The following RSRC1 variants were observed in gnomAD, a reference collection of about 807,000 sequenced individuals.
RSRC1 encodes the protein arginine and serine rich coiled-coil 1.
Under a neutral mutation model 49.1 loss-of-function variants are expected in RSRC1, and 39 were observed. That is an observed-to-expected ratio of 0.79 (90% CI 0.61 to 1.04). RSRC1 has a LOEUF of 1.04. RSRC1 is among the 50% of genes least tolerant of loss of function. The pLI, the probability that RSRC1 is intolerant of heterozygous loss-of-function variation, is 0.00. For synonymous variants in RSRC1, 143 were observed against 130.8 expected, an observed-to-expected ratio of 1.09 and a Z score of -0.63; for missense variants, 388 against 402.4, an observed-to-expected ratio of 0.96 and a Z score of 0.31.
intron 4 of RSRC1, chr3:158,276,396 T>A: frequency 1.3e-6 from 1 of 774,658 alleles, no homozygotes; most frequent in South Asian, 1.4e-5. Context: ...TCTCCATAGC[T>A]CCTGGATGTG....
chr3:158,215,592 T>C (rs1030223596), intron 4 of RSRC1, among the ~76,000 whole-genome samples: 3 of 151,826 alleles, frequency 2.0e-5, no homozygotes, highest in African/African-American at 7.2e-5. Context: ...TTATGGGTTG[T>C]TTGGACATTT....
chr3:158,253,149 T>G (rs1383654632), intron 4 of RSRC1, among the ~76,000 whole-genome samples: 3 of 152,080 alleles, frequency 2.0e-5, no homozygotes, highest in Non-Finnish European at 4.4e-5. Context: ...TCTTTTGCTT[T>G]ATGATGTATC....
At chr3:158,118,462 T>TGTGTGTGTGTGTGTGTGCGCGCGCGC (rs1491469875) in intron 1 of RSRC1, among the ~76,000 whole-genome samples, 4 of 124,682 alleles carry the variant, frequency 3.2e-5, no homozygotes, top group Non-Finnish European at 4.9e-5. Context: ...TGTGTGTGTG[T>TGTGTGTGTGTGTGTGTGCGCGCGCGC]GCGCGTGCGC....
chr3:158,336,478 AT>A, intron 5 of RSRC1: 1 of 161,164 alleles, frequency 6.2e-6, no homozygotes, highest in Non-Finnish European at 1.4e-5. Context: ...CATTGGGGTC[AT>A]TGCTGATGAC....
intron 5 of RSRC1, among the ~76,000 whole-genome samples, chr3:158,353,995 CTTTTT>C (rs1230649090): frequency 1.0e-5 from 1 of 96,302 alleles, no homozygotes. Flanking sequence ...GTTTCTTTTT[CTTTTT>C]TTTTTTTTTT....
intron 7 of RSRC1, among the ~76,000 whole-genome samples, chr3:158,515,420 A>T (rs1740459859): frequency 7.8e-6 from 1 of 128,494 alleles, no homozygotes; most frequent in Non-Finnish European, 1.6e-5. Flanking sequence ...AATGTTGAAT[A>T]TTGGCCCCGA....
chr3:158,428,690 G>A (rs2108352436), intron 6 of RSRC1, among the ~76,000 whole-genome samples: 1 of 151,994 alleles, frequency 6.6e-6, no homozygotes, highest in East Asian at 1.9e-4. Flanking sequence ...CTGCCTCCCT[G>A]TGTGGCAAAG....
chr3:158,196,231 G>C (rs1720605135), intron 3 of RSRC1, among the ~76,000 whole-genome samples: 1 of 151,742 alleles, frequency 6.6e-6, no homozygotes, highest in Non-Finnish European at 1.5e-5. Flanking sequence ...TTGTAAGTTG[G>C]ATTCCTAGGT....
At chr3:158,421,150 A>G (rs927844382) in intron 6 of RSRC1, among the ~76,000 whole-genome samples, 5 of 152,030 alleles carry the variant, frequency 3.3e-5, no homozygotes, top group Middle Eastern at 3.4e-3. Flanking sequence ...TAGTCATATT[A>G]GAACCTTGGT....
intron 4 of RSRC1, among the ~76,000 whole-genome samples, chr3:158,284,035 TCC>T (rs1273511223): frequency 7.6e-6 from 1 of 130,884 alleles, no homozygotes; most frequent in African/African-American, 2.8e-5. Context: ...ATGCTATCCC[TCC>T]CCCCTTCCCC....
At chr3:158,293,836 G>A (rs1727081563) in intron 4 of RSRC1, among the ~76,000 whole-genome samples, 1 of 151,992 alleles carries the variant, frequency 6.6e-6, no homozygotes, top group Non-Finnish European at 1.5e-5. Flanking sequence ...ACTTTATCTT[G>A]AGAGTTGTTA....
intron 6 of RSRC1, among the ~76,000 whole-genome samples, chr3:158,392,461 G>A (rs528865787): frequency 3.1e-4 from 47 of 151,944 alleles, no homozygotes; most frequent in Non-Finnish European, 5.9e-4. Flanking sequence ...AGAAAGATAC[G>A]ATACTTCATT....
chr3:158,196,296 C>CT (rs1423874647), intron 3 of RSRC1, among the ~76,000 whole-genome samples: 2 of 152,008 alleles, frequency 1.3e-5, no homozygotes, highest in East Asian at 1.9e-4. Context: ...ATTTGGCTCT[C>CT]TGTTTGTCTG....
At chr3:158,275,398 T>C (rs1232971861) in intron 4 of RSRC1, among the ~76,000 whole-genome samples, 2 of 152,178 alleles carry the variant, frequency 1.3e-5, no homozygotes, top group Non-Finnish European at 2.9e-5. Context: ...ATTTAAAAAG[T>C]CTGTACCTGC....
intron 4 of RSRC1, among the ~76,000 whole-genome samples, chr3:158,288,576 C>A (rs1171562208): frequency 6.6e-6 from 1 of 152,144 alleles, no homozygotes. Flanking sequence ...TGGACAGTTA[C>A]TATTTTATAT....
At chr3:158,254,664 T>C (rs1193537) in intron 4 of RSRC1, among the ~76,000 whole-genome samples, 72,339 of 151,846 alleles carry the variant, frequency 0.48, 17,794 homozygotes, top group East Asian at 0.64. Context: ...GATCTTCTGA[T>C]CTCATGATCC....
At chr3:158,331,428 T>A (rs978814935) in intron 5 of RSRC1, among the ~76,000 whole-genome samples, 36 of 152,324 alleles carry the variant, frequency 2.4e-4, no homozygotes, top group African/African-American at 7.5e-4. Flanking sequence ...TTGGTTAAAT[T>A]TGTTTCTAAT....
At chr3:158,389,430 A>G (rs570337156) in intron 6 of RSRC1, among the ~76,000 whole-genome samples, 1 of 152,344 alleles carries the variant, frequency 6.6e-6, no homozygotes, top group African/African-American at 2.4e-5. Flanking sequence ...GATATTGTCA[A>G]CTTTTTCTAT....
At chr3:158,171,878 G>T (rs1412955644) in intron 3 of RSRC1, among the ~76,000 whole-genome samples, 1 of 152,040 alleles carries the variant, frequency 6.6e-6, no homozygotes, top group Non-Finnish European at 1.5e-5. Context: ...ATGAATCCTG[G>T]AAGGTCAAGG....
Sources: gnomAD v4.1 joint callset for allele counts (sites outside exome capture counted in the v4.1 genomes callset) on GRCh38, gnomAD v4.1.1 for gene constraint, MANE v1.5 for transcripts, NCBI Gene and HGNC (gene_info 2026-07-23, HGNC 2026-07-21) for gene names.